The following DCTN1 variants were observed in gnomAD, a reference collection of about 807,000 sequenced individuals.
The protein encoded by DCTN1 is dynactin subunit 1.
Under a neutral mutation model 161.2 loss-of-function variants are expected in DCTN1, and 61 were observed. The ratio of observed to expected loss-of-function variants is 0.38; its 90% CI spans 0.31 to 0.47. The LOEUF (loss-of-function observed/expected upper bound fraction) is 0.47, where lower values mean the gene tolerates loss of function less well. DCTN1 is among the 20% of genes least tolerant of loss of function. The pLI is 0.99. For missense variants in DCTN1, 1,404 were observed against 1,623.7 expected (o/e 0.86, Z 2.33); for synonymous variants, 653 against 632.4 (o/e 1.03, Z -0.49).
Position 74,361,433 on chromosome 2 carries a change from C to T in DCTN1, c.*66G>A. 1 of 1,609,794 alleles carries T rather than the reference C, an allele frequency of 6.2e-7. No homozygotes were observed. Among genetic ancestry groups the T allele is most frequent in the Non-Finnish European group, 8.5e-7 (1 of 1,178,340 alleles). ...TCTACCTGGGGGCTGGCTGAGGTGG[C>T]TGTGCATCGGGCAGAGCGGCACCAG... is the stretch of plus-strand genomic sequence containing the variant. On this transcript the variant is annotated 3_prime_UTR_variant, in exon 32 of 32. Transcript: ENST00000628224.
chr2:74,372,978 G>A (rs1317857268), intron 6 of DCTN1, 30 bp from the exon 7 acceptor site: 7 of 1,612,652 alleles, frequency 4.3e-6, no homozygotes, highest in Middle Eastern at 1.7e-4. Context: ...CAGAAGAGAA[G>A]TAGTCAGGAA....
Position 74,370,212 on chromosome 2 carries a change from T to C in DCTN1, c.1261A>G (p.Ser421Gly), listed in dbSNP as rs1417901024. 2.0e-5 allele frequency: 32 copies of C among 1,613,856 alleles called. No homozygotes were observed. Among genetic ancestry groups the C allele is most frequent in the Non-Finnish European group, 2.6e-5 (31 of 1,180,046 alleles). ...TGCTCCTTGAGCTCATCAATGGTGC[T>C]CTCTGCCTGGCTTAGCTCCTCCTGC... is the stretch of plus-strand genomic sequence containing the variant. ...RLQEELSQAESTIDELKEQVD... is the reference protein window; with the variant it reads ...RLQEELSQAEGTIDELKEQVD... The change falls in exon 12 of 32, where the codon AGC becomes GGC. Residue 421 changes from serine (S) to glycine (G), a missense_variant. Coordinates refer to ENST00000628224, the MANE Select transcript of DCTN1 (RefSeq NM_004082.5). The surrounding 1 kb of genome is among the most constrained non-coding windows in gnomAD (Gnocchi z 4.4).
At chr2:74,375,051 T>C (rs1034145222) in intron 5 of DCTN1, among the ~76,000 whole-genome samples, 2 of 151,846 alleles carry the variant, frequency 1.3e-5, no homozygotes, top group Non-Finnish European at 2.9e-5. Context: ...CTGTCTCTTA[T>C]ACAACCTGGC....
chr2:74,363,299 G>A lies in DCTN1; in HGVS notation c.3340C>T (p.Leu1114Phe). Reference sequence around the variant, plus strand: ...CCTCCCCGTGGCTCCCTCACCTTGAGGATGCTGTTCTCATGCTGGAGCTGG... The same window carrying A: ...CCTCCCCGTGGCTCCCTCACCTTGAAGATGCTGTTCTCATGCTGGAGCTGG... ...ISQLQHENSI[L>F]KGAQMKASLA... The change falls in exon 28 of 32, where the codon CTC (leucine) becomes TTC (phenylalanine). Residue 1114 changes from leucine (L) to phenylalanine (F), a missense_variant. Coordinates refer to ENST00000628224, the MANE Select transcript of DCTN1 (RefSeq NM_004082.5). 2 of 1,614,076 alleles carry A rather than the reference G, an allele frequency of 1.2e-6. No homozygotes were observed. Among genetic ancestry groups the A allele is most frequent in the Non-Finnish European group, 1.7e-6 (2 of 1,179,978 alleles).
At chr2:74,363,798 C>G (rs1019214674) in intron 26 of DCTN1, 170 bp from the exon 27 acceptor site, 2 of 877,614 alleles carry the variant, frequency 2.3e-6, no homozygotes, top group Admixed American at 4.1e-5. Context: ...TCTTTGGGGA[C>G]GAGCAGATAA....
intron 1 of DCTN1, among the ~76,000 whole-genome samples, chr2:74,385,951 T>C (rs911912747): frequency 1.3e-5 from 2 of 152,344 alleles, no homozygotes; most frequent in East Asian, 3.9e-4. Context: ...TTCTAGGTGA[T>C]AGGAACAGGG....
At chr2:74,388,215 A>AACAAAAC (rs1257413074) in intron 1 of DCTN1, among the ~76,000 whole-genome samples, 2 of 151,390 alleles carry the variant, frequency 1.3e-5, no homozygotes, top group African/African-American at 4.9e-5. Flanking sequence ...AACAAAACAA[A>AACAAAAC]AAACTGGCCT....
chr2:74,362,895 A>G, intron 29 of DCTN1, 99 bp downstream of exon 29: 1 of 1,414,916 alleles, frequency 7.1e-7, no homozygotes. Flanking sequence ...ACTGCTGGGA[A>G]GAGCTTCTGT....
intron 31 of DCTN1, 126 bp from the exon 32 acceptor site, chr2:74,361,762 G>A: frequency 8.1e-7 from 1 of 1,236,758 alleles, no homozygotes; most frequent in Non-Finnish European, 1.2e-6. Flanking sequence ...GAGATCCTGG[G>A]CTATTGTGAC....
rs886070472 is a variant in DCTN1, at chr2:74,362,099, T to C, written c.3652A>G (p.Thr1218Ala). The change falls in exon 31 of 32, where the codon ACA becomes GCA. Residue 1218 changes from threonine to alanine, a missense_variant. Physicochemically the swap from Thr to Ala is moderately conservative, Grantham distance 58. This residue lies in a region of DCTN1 where 311 missense variants were observed against 298.9 expected (regional missense o/e 1.04). Coordinates refer to ENST00000628224, the MANE Select transcript of DCTN1 (RefSeq NM_004082.5). ...KETVSQRPGA[T>A]VPTDFATFPS... ...AAGGTGGCAAAGTCAGTGGGTACTG[T>C]GGCTCCAGGGCGCTGAGATACTGTC... is the stretch of plus-strand genomic sequence containing the variant. 4 of 1,613,848 alleles carry C rather than the reference T, an allele frequency of 2.5e-6. No individual in the cohort carries two copies. Among genetic ancestry groups the C allele is most frequent in the Non-Finnish European group, 3.4e-6 (4 of 1,179,866 alleles).
At chr2:74,390,409 G>A (rs1675939334) in intron 1 of DCTN1, among the ~76,000 whole-genome samples, 1 of 152,202 alleles carries the variant, frequency 6.6e-6, no homozygotes, top group Non-Finnish European at 1.5e-5. Flanking sequence ...AAAATGGGAT[G>A]CCCTATATGC....
In DCTN1 at chr2:74,377,801, C is replaced by G. The variant is rs1011657374; in HGVS notation, c.280-75G>C. The G allele has an allele frequency of 1.6e-5, 24 of 1,501,172 alleles. No homozygotes were observed. The African/African-American group carries it at 3.3e-4, about 21-fold the overall frequency. The allele number at this position is 1,501,172 out of a possible 1,614,324, so 93.0% of individuals were successfully genotyped here. ...TCAAGGACGGCTGTAATATGGGCCC[C>G]TCCCCAGGCTCCAAGCAAACCAAGA... On this transcript the variant is annotated intron_variant, in intron 2 of 31. Coordinates refer to ENST00000628224, the MANE Select transcript of DCTN1 (RefSeq NM_004082.5).
chr2:74,372,976 A>C, intron 6 of DCTN1, 28 bp from the exon 7 acceptor site: 1 of 1,612,898 alleles, frequency 6.2e-7, no homozygotes, highest in Middle Eastern at 1.7e-4. Flanking sequence ...GCCAGAAGAG[A>C]AGTAGTCAGG....
chr2:74,366,470 C>T lies in DCTN1; in HGVS notation c.2617G>A (p.Ala873Thr), dbSNP rs764492372. 5 of 1,614,110 alleles carry T rather than the reference C, an allele frequency of 3.1e-6. No individual in the cohort carries two copies. In the South Asian group the frequency reaches 4.4e-5, roughly 14 times the overall value. Residue 873 changes from alanine (A) to threonine (T), a missense_variant, in exon 22 of 32, where the codon GCA (alanine) becomes ACA (threonine). This residue lies in a region of DCTN1 where 475 missense variants were observed against 489.8 expected (regional missense o/e 0.97). Coordinates refer to ENST00000628224, the MANE Select transcript of DCTN1 (RefSeq NM_004082.5). ...VAALEELAFKASEQIYGTPSS... is the reference protein window; with the variant it reads ...VAALEELAFKTSEQIYGTPSS... ...CCATCCAGGCCCACCTGCTCGCTTG[C>T]TTTGAAAGCCAGTTCCTCCAGAGCA...
In DCTN1 at chr2:74,365,599, C is replaced by A. The variant is rs765547394; in HGVS notation, c.2945G>T (p.Ser982Ile). ...RLSLLEKKLD[S>I]AAKDADERIE... The stretch of plus-strand genomic sequence containing the variant: ...GCGCTCATCTGCATCCTTGGCAGCA[C>A]TGTCCAACTTCTTCTCCAGGAGGCT... The change falls in exon 25 of 32, where the codon AGT (serine) becomes ATT (isoleucine). Residue 982 changes from serine (S) to isoleucine (I), a missense_variant. Transcript: ENST00000628224. 2 of 1,614,188 alleles carry A rather than the reference C, an allele frequency of 1.2e-6. No homozygotes were observed. The highest frequency in any genetic ancestry group is 1.7e-6 in the Non-Finnish European group (2 of 1,180,042).
upstream of DCTN1, among the ~76,000 whole-genome samples, chr2:74,382,084 C>G (rs182701367): frequency 6.6e-6 from 1 of 152,200 alleles, no homozygotes; most frequent in East Asian, 1.9e-4. Context: ...ACCATTACCA[C>G]AGACATATCT....
rs375038672 is a variant in DCTN1 at position 74,375,803 on chromosome 2, C to G, written c.414+939G>C. Among the ~76,000 whole-genome samples the G allele has an allele frequency of 2.6e-5, 4 of 152,312 alleles. No homozygotes were observed. The South Asian group carries it at 8.3e-4, about 32-fold the overall frequency. On this transcript the variant is annotated intron_variant, in intron 5 of 31. Transcript: ENST00000628224. The stretch of plus-strand genomic sequence containing the variant: ...GCATGTGGTCTCTACCATGGCAAGA[C>G]TCCAAAGGACCCATCACCAACCAGG...
rs199751168 is a variant in DCTN1 at position 74,369,414 on chromosome 2, G to A, written c.1470C>T (p.Asp490=). Reference sequence around the variant, plus strand: ...CCTCACGAACCCGCGCGCCTGCCATGTCCAGCTGCTCCCGCAGCTCCAGTT... The same window carrying A: ...CCTCACGAACCCGCGCGCCTGCCATATCCAGCTGCTCCCGCAGCTCCAGTT... ...ETELELREQL[D]MAGARVREAQ... is the part of the protein sequence containing the mutation. The change falls in exon 14 of 32, where the codon GAC becomes GAT. Residue 490 remains aspartate (D), a synonymous_variant. Transcript: ENST00000628224. This position sits in a 1 kb window ranked among gnomAD's most constrained non-coding sequence, Gnocchi z 4.9. The A allele has an allele frequency of 6.9e-5, 111 of 1,614,186 alleles. No individual in the cohort carries two copies. The highest frequency in any genetic ancestry group is 8.7e-5 in the Non-Finnish European group (103 of 1,180,030).
Position 74,369,376 on chromosome 2 carries a change from A to T in DCTN1, c.1508T>A (p.Val503Glu). Residue 503 changes from valine to glutamate, a missense_variant, in exon 14 of 32, where the codon GTG (valine) becomes GAG (glutamate). By Grantham distance (121) the Val-to-Glu change is moderately radical. Coordinates refer to ENST00000628224, the MANE Select transcript of DCTN1 (RefSeq NM_004082.5). This position sits in a 1 kb window ranked among gnomAD's most constrained non-coding sequence, Gnocchi z 4.9. ...GARVREAQKR[V>E]EAAQETVADY... ...TGCAACCGTCTCCTGGGCTGCCTCC[A>T]CACGCTTCTGGGCCTCACGAACCCG... 1 of 1,614,134 alleles carries T rather than the reference A, an allele frequency of 6.2e-7. No homozygotes were observed. The highest frequency in any genetic ancestry group is 8.5e-7 in the Non-Finnish European group (1 of 1,180,042).
Sources: allele counts gnomAD v4.1 joint callset (sites outside exome capture counted in the v4.1 genomes callset), GRCh38; gene constraint gnomAD v4.1.1; regional missense constraint gnomAD v4.1.1; non-coding constraint Gnocchi (gnomAD v3.1); transcripts MANE v1.5; gene names NCBI Gene and HGNC (gene_info 2026-07-23, HGNC 2026-07-21).